Variants in ITGAL observed in about 807,000 individuals in gnomAD.
ITGAL encodes the protein integrin alpha-L.
In ITGAL, 68 loss-of-function variants were observed where a neutral mutation model predicts 138.4. The ratio of observed to expected loss-of-function variants is 0.49; its 90% CI spans 0.40 to 0.60. The LOEUF (loss-of-function observed/expected upper bound fraction) is 0.60. Among genes scored for constraint, ITGAL ranks in the 20% least tolerant of loss-of-function variants. The probability of loss-of-function intolerance (pLI) is 0.00; values close to 1 mark genes in which losing one functional copy is unlikely to be tolerated. For missense variants in ITGAL, 1,256 were observed against 1,478.6 expected (o/e 0.85, Z 2.47); for synonymous variants, 561 against 584.3 (o/e 0.96, Z 0.57).
At chr16:30,497,373 G>T (rs2050817672) in intron 15 of ITGAL, among the ~76,000 whole-genome samples, 1 of 151,882 alleles carries the variant, frequency 6.6e-6, no homozygotes, top group African/African-American at 2.4e-5. Context: ...AGGGTGTGGT[G>T]GCTCATGTGG....
Position 30,479,078 on chromosome 16 carries a change from T to C in ITGAL, c.328-13T>C, listed in dbSNP as rs528816338. 6.8e-6 allele frequency: 11 copies of C among 1,608,990 alleles called. No individual in the cohort carries two copies. The African/African-American group carries it at 1.5e-4, about 21-fold the overall frequency. On this transcript the variant is annotated splice_polypyrimidine_tract_variant and intron_variant, in intron 4 of 30. Coordinates refer to ENST00000356798, the MANE Select transcript of ITGAL (RefSeq NM_002209.3). The stretch of plus-strand genomic sequence containing the variant: ...AATAGGAGACCCAAATCTTTGGCCT[T>C]TGCTTTCTTTAGGCCTGTGACCCTG...
In ITGAL at chr16:30,494,704, TC is replaced by T. The variant is rs1281956427; in HGVS notation, c.1366-5del. On this transcript the variant is annotated splice_region_variant and splice_polypyrimidine_tract_variant and intron_variant, in intron 12 of 30. Coordinates refer to ENST00000356798, the MANE Select transcript of ITGAL (RefSeq NM_002209.3). This position sits in a 1 kb window ranked among gnomAD's most constrained non-coding sequence, Gnocchi z 4.2. Reference sequence around the variant, plus strand: ...AGGCGCTTCCCCAAACACCTGCCTCTCCCCACAGATTGGCTCTTATTTCGGT... The same window carrying T: ...AGGCGCTTCCCCAAACACCTGCCTCTCCCACAGATTGGCTCTTATTTCGGT... The T allele has an allele frequency of 1.9e-6, 3 of 1,599,890 alleles. No individual in the cohort carries two copies. Among genetic ancestry groups the T allele is most frequent in the Non-Finnish European group, 2.6e-6 (3 of 1,171,592 alleles).
At position 30,519,980 on chromosome 16, in the gene ITGAL, G is replaced by T. The variant is rs774301708; in HGVS notation, c.3339+13G>T. 8.3e-6 allele frequency: 13 copies of T among 1,569,774 alleles called. 1 individual carries two copies. Among genetic ancestry groups the T allele is most frequent in the Middle Eastern group, 1.7e-4 (1 of 5,962 alleles). On this transcript the variant is annotated intron_variant, in intron 30 of 30. Transcript: ENST00000356798. ...AGTGCTGTACAAGGTGGGTGCCTCC[G>T]GGGGTCACAGGCATTGCTGAGACAG...
In ITGAL at chr16:30,500,987, A is replaced by G. The variant is rs143653495; in HGVS notation, c.2145+1498A>G. On this transcript the variant is annotated intron_variant, in intron 17 of 30. Coordinates refer to ENST00000356798, the MANE Select transcript of ITGAL (RefSeq NM_002209.3). The stretch of plus-strand genomic sequence containing the variant: ...CCATTGCACTCCAGCCTGGGCAACA[A>G]GAGTGAAACTCCATCTCAAAAAAAA... 5.9e-3 allele frequency among the ~76,000 whole-genome samples: 893 copies of G among 151,692 alleles called. 5 individuals are homozygous for G. The highest frequency in any genetic ancestry group is 9.3e-3 in the Non-Finnish European group (630 of 67,886).
At chr16:30,516,628 T>C (rs975746000) in intron 25 of ITGAL, among the ~76,000 whole-genome samples, 1 of 152,142 alleles carries the variant, frequency 6.6e-6, no homozygotes, top group African/African-American at 2.4e-5. Flanking sequence ...AGCAGATCCT[T>C]TGCCGTCCTG....
chr16:30,521,804 T>C lies in ITGAL; in HGVS notation c.*139T>C, dbSNP rs35076795. On this transcript the variant is annotated 3_prime_UTR_variant, in exon 31 of 31. Transcript: ENST00000356798. The stretch of plus-strand genomic sequence containing the variant: ...GCCCTCAGTTTCCCTATCTCGAACA[T>C]GGAACTCATTCCTGCCTGTCTCCTT... 6.0e-4 allele frequency: 468 copies of C among 783,242 alleles called. 1 individual carries two copies. The African/African-American group carries it at 7.2e-3, about 12-fold the overall frequency. 48.5% of individuals were successfully genotyped at this position (783,242 alleles called of 1,614,324 possible).
intron 26 of ITGAL, 151 bp from the exon 27 acceptor site, chr16:30,517,498 T>A: frequency 1.5e-6 from 1 of 669,984 alleles, no homozygotes; most frequent in Non-Finnish European, 2.7e-6. Context: ...GCTGGGTGTA[T>A]GGAGAGTAAG....
Position 30,494,085 on chromosome 16 carries a change from A to C in ITGAL, c.1214-127A>C. On this transcript the variant is annotated intron_variant, in intron 11 of 30. Transcript: ENST00000356798. The surrounding 1 kb of genome is among the most constrained non-coding windows in gnomAD (Gnocchi z 4.2). ...AGCACATGGATGCTTTTCTCAGGAGAAGGTCTTCAGCTGTTTCCATGCATC... is the reference window on the plus strand; with the variant it reads ...AGCACATGGATGCTTTTCTCAGGAGCAGGTCTTCAGCTGTTTCCATGCATC... The C allele has an allele frequency of 1.3e-6, 1 of 743,696 alleles. No individual in the cohort carries two copies. Among genetic ancestry groups the C allele is most frequent in the Non-Finnish European group, 2.2e-6 (1 of 454,500 alleles). The allele number at this position is 743,696 out of a possible 1,614,324, so 46.1% of individuals were successfully genotyped here.
At chr16:30,495,219 T>G (rs2050782596) in intron 13 of ITGAL, among the ~76,000 whole-genome samples, 1 of 152,154 alleles carries the variant, frequency 6.6e-6, no homozygotes, top group South Asian at 2.1e-4. Flanking sequence ...GACATGGGGT[T>G]TCACCATGTT....
chr16:30,518,266 G>A (rs921533277), intron 28 of ITGAL, among the ~76,000 whole-genome samples: 1 of 151,994 alleles, frequency 6.6e-6, no homozygotes, highest in Non-Finnish European at 1.5e-5. Context: ...TGGCCAACAT[G>A]GTGAAACCCT....
intron 21 of ITGAL, among the ~76,000 whole-genome samples, chr16:30,508,204 G>C (rs999874273): frequency 7.6e-6 from 1 of 131,380 alleles, no homozygotes; most frequent in Non-Finnish European, 1.6e-5. Flanking sequence ...CACCACGCCC[G>C]GCCTATTTTT....
intron 21 of ITGAL, among the ~76,000 whole-genome samples, chr16:30,507,931 C>T (rs1394049852): frequency 2.6e-5 from 4 of 151,580 alleles, no homozygotes; most frequent in African/African-American, 7.3e-5. Flanking sequence ...TTTTCTGAGA[C>T]GGGGTCTCGC....
intron 11 of ITGAL, among the ~76,000 whole-genome samples, chr16:30,492,796 G>C (rs2050743277): frequency 6.6e-6 from 1 of 151,780 alleles, no homozygotes; most frequent in South Asian, 2.1e-4. Flanking sequence ...CGCCTGCCTC[G>C]GTCTCCCAAA....
intron 10 of ITGAL, 22 bp from the exon 11 acceptor site, chr16:30,489,232 G>A (rs749662974): frequency 1.8e-5 from 29 of 1,613,586 alleles, no homozygotes; most frequent in African/African-American, 1.3e-4. Context: ...TAGCTGACCC[G>A]CTCATCTCCT....
chr16:30,496,132 C>T lies in ITGAL; in HGVS notation c.1539C>T (p.Asp513=). The change falls in exon 14 of 31, where the codon GAC becomes GAT. Residue 513 remains aspartate, a synonymous_variant. Coordinates refer to ENST00000356798, the MANE Select transcript of ITGAL (RefSeq NM_002209.3). ...AAGAAGTCTCAGAGCTGCAGGGGGA[C>T]CCCGGCTACCCACTCGGGCGGTTTG... is the stretch of plus-strand genomic sequence containing the variant. The part of the protein sequence containing the change: ...GFEEVSELQG[D]PGYPLGRFGE... 1.2e-6 allele frequency: 2 copies of T among 1,613,978 alleles called. No individual in the cohort carries two copies. Among genetic ancestry groups the T allele is most frequent in the Non-Finnish European group, 1.7e-6 (2 of 1,180,004 alleles).
chr16:30,475,340 A>C lies in ITGAL; in HGVS notation c.199A>C (p.Thr67Pro). Residue 67 changes from threonine (T) to proline (P), a missense_variant, in exon 3 of 31, where the codon ACA becomes CCA. Transcript: ENST00000356798. Reference protein sequence around the residue: ...IVGAPGEGNSTGSLYQCQSGT... With the variant: ...IVGAPGEGNSPGSLYQCQSGT... The stretch of plus-strand genomic sequence containing the variant: ...GGGAGCTCCAGGGGAGGGGAACAGC[A>C]CAGGAAGCCTCTATCAGTGCCAGTC... 1 of 1,613,772 alleles carries C rather than the reference A, an allele frequency of 6.2e-7. No homozygotes were observed. Among genetic ancestry groups the C allele is most frequent in the East Asian group, 2.2e-5 (1 of 44,890 alleles).
intron 28 of ITGAL, among the ~76,000 whole-genome samples, chr16:30,518,215 A>G (rs2051199579): frequency 6.6e-6 from 1 of 152,136 alleles, no homozygotes; most frequent in Admixed American, 6.5e-5. Context: ...CGGGAGGCTT[A>G]GGTGGGTGGA....
At chr16:30,485,949 C>A (rs767284957) in intron 9 of ITGAL, among the ~76,000 whole-genome samples, 13 of 152,122 alleles carry the variant, frequency 8.5e-5, no homozygotes, top group African/African-American at 1.9e-4. Context: ...AATTCCTCCC[C>A]CTTCTTGCTC....
chr16:30,514,475 C>T lies in ITGAL; in HGVS notation c.2862+629C>T, dbSNP rs147595716. On this transcript the variant is annotated intron_variant, in intron 25 of 30. Coordinates refer to ENST00000356798, the MANE Select transcript of ITGAL (RefSeq NM_002209.3). Reference sequence around the variant, plus strand: ...TATTTTTAGTAGAGATGGGGTTTTACCATGTTGGCCAGGCTGGTCTTGAAC... The same window carrying T: ...TATTTTTAGTAGAGATGGGGTTTTATCATGTTGGCCAGGCTGGTCTTGAAC... Among the ~76,000 whole-genome samples, 56 of 152,200 alleles carry T rather than the reference C, an allele frequency of 3.7e-4. 2 individuals are homozygous for T. The highest frequency in any genetic ancestry group is 1.2e-3 in the African/African-American group (49 of 41,542).
Sources: gnomAD v4.1 joint callset for allele counts (sites outside exome capture counted in the v4.1 genomes callset) on GRCh38, gnomAD v4.1.1 for gene constraint, Gnocchi (gnomAD v3.1) non-coding constraint, MANE v1.5 for transcripts, NCBI Gene and HGNC (gene_info 2026-07-23, HGNC 2026-07-21) for gene names.